The following RAB36 variants were observed in gnomAD, a reference collection of about 807,000 sequenced individuals.
RAB36 encodes ras-related protein Rab-36.
RAB36 carries 33 observed loss-of-function variants against 39.3 expected under a neutral mutation model. That is an observed-to-expected ratio of 0.84 (90% CI 0.64 to 1.12). The LOEUF (loss-of-function observed/expected upper bound fraction) is 1.12. Ranked by LOEUF, RAB36 falls within the 50% of genes most tolerant of loss-of-function variation. RAB36 has a pLI of 0.00. For missense variants in RAB36, 308 were observed against 355.3 expected (o/e 0.87, Z 1.07); for synonymous variants, 133 against 140.2 (o/e 0.95, Z 0.36).
chr22:23,147,476 A>C (rs1245532214), intron 2 of RAB36, among the ~76,000 whole-genome samples: 1 of 152,064 alleles, frequency 6.6e-6, no homozygotes, highest in Non-Finnish European at 1.5e-5. Context: ...GACCACAGGC[A>C]TGTGCTACCA....
chr22:23,152,341 C>T lies in RAB36; in HGVS notation c.162-120C>T, dbSNP rs188226366. On this transcript the variant is annotated intron_variant, in intron 3 of 10. Transcript: ENST00000263116. Reference sequence around the variant, plus strand: ...ACAGTGTCTCAGCAGGGTGGCCCATCCTGTGTCCAGGAGTGAGGGGTGTCT... The same window carrying T: ...ACAGTGTCTCAGCAGGGTGGCCCATTCTGTGTCCAGGAGTGAGGGGTGTCT... 392 of 1,017,438 alleles carry T rather than the reference C, an allele frequency of 3.9e-4. 1 individual carries two copies. The African/African-American group carries it at 5.2e-3, about 14-fold the overall frequency. The allele number at this position is 1,017,438 out of a possible 1,614,324, so 63.0% of individuals were successfully genotyped here.
chr22:23,146,592 G>A lies in RAB36; in HGVS notation c.-12-13G>A. ...CAGCTCCTTAACTGTCTTTCTCCTG[G>A]TTGGGTCCACAGGACTGTGGAAGAA... On this transcript the variant is annotated splice_polypyrimidine_tract_variant and intron_variant, in intron 1 of 10. Transcript: ENST00000263116. 1 of 1,612,938 alleles carries A rather than the reference G, an allele frequency of 6.2e-7. No individual in the cohort carries two copies. The highest frequency in any genetic ancestry group is 8.5e-7 in the Non-Finnish European group (1 of 1,179,344).
At position 23,145,559 on chromosome 22, in the gene RAB36, A is replaced by C; in HGVS notation, c.-13+8A>C. On this transcript the variant is annotated splice_region_variant and intron_variant, in intron 1 of 10. Transcript: ENST00000263116. ...CTTTCACAGCCATCGCTGGTGAGTC[A>C]GCTCGCCCACTCTGTCCGACCCTCC... 1.3e-6 allele frequency: 2 copies of C among 1,598,266 alleles called. No homozygotes were observed. The highest frequency in any genetic ancestry group is 1.7e-6 in the Non-Finnish European group (2 of 1,178,150).
At chr22:23,159,062 G>T in intron 8 of RAB36, 83 bp downstream of exon 8, 2 of 1,588,638 alleles carry the variant, frequency 1.3e-6, no homozygotes, top group South Asian at 2.2e-5. Context: ...GCCATGGGGA[G>T]GGAGGGAGGC....
chr22:23,166,143 C>CT (rs1284996848), downstream of RAB36, among the ~76,000 whole-genome samples: 10 of 52,336 alleles, frequency 1.9e-4, no homozygotes, highest in African/African-American at 9.8e-4. Context: ...GAGACTCTGT[C>CT]TTTTAAAAAA....
rs750541664 is a variant in RAB36, at chr22:23,150,117, A to G, written c.124A>G (p.Ser42Gly). The G allele has an allele frequency of 1.7e-5, 27 of 1,612,718 alleles. No homozygotes were observed. In the East Asian group the frequency reaches 5.6e-4, roughly 33 times the overall value. ...QLREHFHGQV[S>G]AACQRRNTGT... ...CAGGGAGCACTTCCACGGGCAGGTC[A>G]GCGCTGCCTGCCAACGCAGGAACAC... Residue 42 changes from serine (S) to glycine (G), a missense_variant, in exon 3 of 11, where the codon AGC becomes GGC. Coordinates refer to ENST00000263116, the MANE Select transcript of RAB36 (RefSeq NM_004914.5).
chr22:23,150,082 G>A lies in RAB36; in HGVS notation c.89G>A (p.Cys30Tyr). The A allele has an allele frequency of 6.2e-7, 1 of 1,611,512 alleles. No individual in the cohort carries two copies. The highest frequency in any genetic ancestry group is 8.5e-7 in the Non-Finnish European group (1 of 1,178,980). The change falls in exon 3 of 11, where the codon TGT (cysteine) becomes TAT (tyrosine). Residue 30 changes from cysteine to tyrosine, a missense_variant. Coordinates refer to ENST00000263116, the MANE Select transcript of RAB36 (RefSeq NM_004914.5). ...TTGCAGTGGTACACGCCGGAAGCCTGTTTGCAGCTCAGGGAGCACTTCCAC... is the reference window on the plus strand; with the variant it reads ...TTGCAGTGGTACACGCCGGAAGCCTATTTGCAGCTCAGGGAGCACTTCCAC... ...SFPKWYTPEA[C>Y]LQLREHFHGQ...
At position 23,161,723 on chromosome 22, in the gene RAB36, G is replaced by A; in HGVS notation, c.*159G>A. 1.6e-6 allele frequency: 1 copy of A among 640,174 alleles called. No homozygotes were observed. The highest frequency in any genetic ancestry group is 2.9e-5 in the Admixed American group (1 of 34,756). 39.7% of individuals were successfully genotyped at this position (640,174 alleles called of 1,614,324 possible). A position where few individuals can be genotyped will look rare whatever the true frequency, so the allele number is the denominator to read the frequency against. ...CACCCACCCACCGGGCTCAGCTCCA[G>A]GGCACAGTCACTTGTCCGTTGCAGG... On this transcript the variant is annotated 3_prime_UTR_variant, in exon 11 of 11. Coordinates refer to ENST00000263116, the MANE Select transcript of RAB36 (RefSeq NM_004914.5).
intron 7 of RAB36, among the ~76,000 whole-genome samples, chr22:23,158,332 T>G (rs1156301477): frequency 1.3e-5 from 2 of 152,246 alleles, no homozygotes; most frequent in Admixed American, 1.3e-4. Flanking sequence ...TTTGCCATGT[T>G]GCAAGTCCGG....
chr22:23,158,228 C>G (rs1048609222), intron 7 of RAB36, among the ~76,000 whole-genome samples, 185 bp downstream of exon 7: 1 of 152,208 alleles, frequency 6.6e-6, no homozygotes, highest in African/African-American at 2.4e-5. Context: ...AGATTTGTCC[C>G]TATTCTGGAG....
chr22:23,148,099 G>A lies in RAB36; in HGVS notation c.69+1414G>A, dbSNP rs115112627. Among the ~76,000 whole-genome samples, 837 of 152,276 alleles carry A rather than the reference G, an allele frequency of 5.5e-3. 4 individuals carry two copies. The highest frequency in any genetic ancestry group is 0.014 in the African/African-American group (568 of 41,544). ...TCTTGGATTCTGTGGCCAGGCTGGT[G>A]AGGAGGAGGTGACTCTAGACAGGTC... On this transcript the variant is annotated intron_variant, in intron 2 of 10. Transcript: ENST00000263116.
intron 5 of RAB36, among the ~76,000 whole-genome samples, chr22:23,155,267 AGTGACTACCTGCCTT>A (rs2146547934): frequency 6.6e-6 from 1 of 152,340 alleles, no homozygotes; most frequent in South Asian, 2.1e-4. Flanking sequence ...AGCCCTGCAT[AGTGACTACCTGCCTT>A]GTTCTAAGCC....
At chr22:23,155,838 C>T in intron 5 of RAB36, 130 bp from the exon 6 acceptor site, 1 of 764,734 alleles carries the variant, frequency 1.3e-6, no homozygotes, top group Admixed American at 3.2e-5. Context: ...ACAACAGGCA[C>T]TTCCTGAAGC....
Position 23,161,856 on chromosome 22 carries a change from C to CT in RAB36, c.*292_*293insT. The CT allele has an allele frequency of 2.4e-6, 1 of 420,738 alleles. No homozygotes were observed. The highest frequency in any genetic ancestry group is 3.9e-5 in the Admixed American group (1 of 25,556). 26.1% of individuals were successfully genotyped at this position (420,738 alleles called of 1,614,324 possible). On this transcript the variant is annotated 3_prime_UTR_variant, in exon 11 of 11. Transcript: ENST00000263116. ...AAGGCCAGTCCATTTGCAGGGTCAT[C>CT]AGACAGTCACCTTTGGCCTCAAGAG...
chr22:23,159,004 T>C (rs369615747), intron 8 of RAB36, 25 bp downstream of exon 8: 6 of 1,611,374 alleles, frequency 3.7e-6, no homozygotes, highest in African/African-American at 1.3e-5. Flanking sequence ...ACTGGTGGTC[T>C]GGGTGGCCCT....
chr22:23,152,976 G>C (rs989210622), intron 4 of RAB36, 57 bp from the exon 5 acceptor site: 2 of 1,256,642 alleles, frequency 1.6e-6, no homozygotes, highest in Admixed American at 1.7e-5. Context: ...TACAAGTGAA[G>C]CTTCCGGGCA....
intron 1 of RAB36, among the ~76,000 whole-genome samples, chr22:23,146,277 C>T (rs921847643): frequency 3.0e-4 from 46 of 152,142 alleles, no homozygotes; most frequent in African/African-American, 1.1e-3. Flanking sequence ...GGCACCTTCA[C>T]GGTTCACTGC....
At chr22:23,166,935 A>G (rs923977610), downstream of RAB36, among the ~76,000 whole-genome samples, 1 of 152,122 alleles carries the variant, frequency 6.6e-6, no homozygotes, top group Non-Finnish European at 1.5e-5. Flanking sequence ...TCTTTGTGCC[A>G]GCCCCGTATG....
At chr22:23,149,384 G>A (rs1334253327) in intron 2 of RAB36, among the ~76,000 whole-genome samples, 2 of 152,172 alleles carry the variant, frequency 1.3e-5, no homozygotes, top group Non-Finnish European at 2.9e-5. Flanking sequence ...GAGGGTGGGT[G>A]GGGTACGTGC....
Sources: allele counts gnomAD v4.1 joint callset (sites outside exome capture counted in the v4.1 genomes callset), GRCh38; gene constraint gnomAD v4.1.1; transcripts MANE v1.5; gene names NCBI Gene and HGNC (gene_info 2026-07-23, HGNC 2026-07-21).